Variants in LTV1 observed in about 807,000 individuals in gnomAD.
LTV1 encodes the protein protein LTV1 homolog.
In LTV1, 39 loss-of-function variants were observed where a neutral mutation model predicts 59.9. The ratio of observed to expected loss-of-function variants is 0.65; its 90% CI spans 0.50 to 0.85. The LOEUF (loss-of-function observed/expected upper bound fraction) is 0.85. Ranked by LOEUF, LTV1 falls within the 40% of genes least tolerant of loss-of-function variation. The pLI, the probability that LTV1 is intolerant of heterozygous loss-of-function variation, is 0.00. For missense variants in LTV1, 493 were observed against 549.1 expected, an observed-to-expected ratio of 0.90 and a Z score of 1.02; for synonymous variants, 171 against 189.5, an observed-to-expected ratio of 0.90 and a Z score of 0.80.
At chr6:143,852,331 T>G (rs6570583) in intron 4 of LTV1, among the ~76,000 whole-genome samples, 8,759 of 152,328 alleles carry the variant, frequency 0.058, 266 homozygotes, top group African/African-American at 0.086. Flanking sequence ...CCAGTGATGA[T>G]GAGCTTTTTT....
chr6:143,844,450 G>A, intron 1 of LTV1, 36 bp from the exon 2 acceptor site: 1 of 1,608,166 alleles, frequency 6.2e-7, no homozygotes, highest in Non-Finnish European at 8.5e-7. Flanking sequence ...TTTTTGTTCT[G>A]TTTTAATTAA....
intron 3 of LTV1, among the ~76,000 whole-genome samples, chr6:143,847,849 CT>C (rs1000175575): frequency 6.6e-6 from 1 of 152,124 alleles, no homozygotes; most frequent in African/African-American, 2.4e-5. Context: ...GTCCCATATA[CT>C]TTTTTTACTT....
At chr6:143,844,439 CT>C in intron 1 of LTV1, 46 bp from the exon 2 acceptor site, 2 of 1,600,068 alleles carry the variant, frequency 1.2e-6, no homozygotes, top group Non-Finnish European at 1.7e-6. Flanking sequence ...TATTCTCCGT[CT>C]TTTTGTTCTG....
Position 143,862,304 on chromosome 6 carries a change from G to A in LTV1, c.1063+61G>A. 6.7e-7 allele frequency: 1 copy of A among 1,483,736 alleles called. No individual in the cohort carries two copies. Among genetic ancestry groups the A allele is most frequent in the Non-Finnish European group, 9.3e-7 (1 of 1,078,724 alleles). 91.9% of individuals were successfully genotyped at this position (1,483,736 alleles called of 1,614,324 possible). On this transcript the variant is annotated intron_variant, in intron 8 of 10. Transcript: ENST00000367576. This position sits in a 1 kb window ranked among gnomAD's most constrained non-coding sequence, Gnocchi z 4.2. ...TATTAAAGTATATCAACTTTAGGCT[G>A]GGTGCGGTGCCTCACGCCTGTAGTA...
At chr6:143,845,044 G>A (rs1031516379) in intron 2 of LTV1, among the ~76,000 whole-genome samples, 2 of 152,230 alleles carry the variant, frequency 1.3e-5, no homozygotes, top group Non-Finnish European at 2.9e-5. Flanking sequence ...TTAGGGCACC[G>A]ATATATGCTC....
At chr6:143,844,416 T>G in intron 1 of LTV1, 70 bp from the exon 2 acceptor site, 1 of 1,536,028 alleles carries the variant, frequency 6.5e-7, no homozygotes, top group Non-Finnish European at 9.0e-7. Context: ...GATGCATGTG[T>G]GGACTATGGA....
Position 143,863,061 on chromosome 6 carries a change from T to C in LTV1, c.1117-25T>C, listed in dbSNP as rs1777197236. The C allele has an allele frequency of 6.3e-7, 1 of 1,584,928 alleles. No individual in the cohort carries two copies. The highest frequency in any genetic ancestry group is 8.7e-7 in the Non-Finnish European group (1 of 1,154,128). On this transcript the variant is annotated intron_variant, in intron 9 of 10. Coordinates refer to ENST00000367576, the MANE Select transcript of LTV1 (RefSeq NM_032860.5). The surrounding 1 kb of genome is among the most constrained non-coding windows in gnomAD (Gnocchi z 4.5). ...TTTTAATAGGAATGAGAAGTAACTC[T>C]AGTACCATTTTATCTGTATTTCAGC...
chr6:143,848,268 C>G (rs140805396), intron 3 of LTV1, among the ~76,000 whole-genome samples: 68 of 152,238 alleles, frequency 4.5e-4, no homozygotes, highest in Non-Finnish European at 7.8e-4. Flanking sequence ...GTAGATTTTA[C>G]TACAATTTTA....
chr6:143,861,111 G>A (rs1777157944), intron 7 of LTV1, among the ~76,000 whole-genome samples: 1 of 151,990 alleles, frequency 6.6e-6, no homozygotes, highest in African/African-American at 2.4e-5. Context: ...TGGCCAGGCT[G>A]GTCTCAAACT....
At position 143,862,258 on chromosome 6, in the gene LTV1, T is replaced by A; in HGVS notation, c.1063+15T>A. The A allele has an allele frequency of 6.2e-7, 1 of 1,606,598 alleles. No individual in the cohort carries two copies. Among genetic ancestry groups the A allele is most frequent in the Non-Finnish European group, 8.5e-7 (1 of 1,173,838 alleles). On this transcript the variant is annotated intron_variant, in intron 8 of 10. Transcript: ENST00000367576. This position sits in a 1 kb window ranked among gnomAD's most constrained non-coding sequence, Gnocchi z 4.2. ...ATCTATTTGTAGTAAGTATATTCAC[T>A]TTATGATAGTAATTTTAAAGTATTA...
chr6:143,850,818 G>A (rs918374110), intron 4 of LTV1, among the ~76,000 whole-genome samples: 1 of 152,094 alleles, frequency 6.6e-6, no homozygotes. Flanking sequence ...GCAGGGCCTT[G>A]GGTTAAAACA....
chr6:143,856,312 G>C (rs1582940315), intron 4 of LTV1, among the ~76,000 whole-genome samples: 1 of 152,126 alleles, frequency 6.6e-6, no homozygotes, highest in Admixed American at 6.5e-5. Context: ...CTCTAAACTG[G>C]TAATTCTAGT....
intron 6 of LTV1, among the ~76,000 whole-genome samples, chr6:143,859,840 G>A (rs78955093): frequency 0.017 from 2,516 of 152,276 alleles, 74 homozygotes; most frequent in African/African-American, 0.058. Context: ...GTAGTGTCTC[G>A]TGCCTATAAT....
At chr6:143,854,176 G>A (rs1292332351) in intron 4 of LTV1, among the ~76,000 whole-genome samples, 1 of 152,154 alleles carries the variant, frequency 6.6e-6, no homozygotes, top group African/African-American at 2.4e-5. Context: ...ATTTAGCCTT[G>A]GGAGGGTGTA....
intron 7 of LTV1, among the ~76,000 whole-genome samples, chr6:143,860,920 G>T (rs1468136420): frequency 6.6e-6 from 1 of 151,114 alleles, no homozygotes; most frequent in East Asian, 2.0e-4. Flanking sequence ...TTTTGAGACG[G>T]AGTCTTGCTC....
intron 4 of LTV1, among the ~76,000 whole-genome samples, chr6:143,856,620 G>A (rs767958623): frequency 1.3e-5 from 2 of 152,172 alleles, no homozygotes; most frequent in Non-Finnish European, 2.9e-5. Flanking sequence ...TGGGGTTTCT[G>A]TGTGGACGTC....
intron 2 of LTV1, among the ~76,000 whole-genome samples, chr6:143,845,093 G>A (rs939962392): frequency 3.3e-5 from 5 of 152,046 alleles, no homozygotes; most frequent in South Asian, 4.1e-4. Flanking sequence ...TTTCATAACC[G>A]CAAACTGCAT....
At chr6:143,846,764 G>A (rs1776898559) in intron 3 of LTV1, among the ~76,000 whole-genome samples, 1 of 152,180 alleles carries the variant, frequency 6.6e-6, no homozygotes, top group South Asian at 2.1e-4. Context: ...GTTAGTCTAA[G>A]TTCTGTTTTC....
rs532828264 is a variant in LTV1 at position 143,856,647 on chromosome 6, A to T, written c.398-656A>T. Among the ~76,000 whole-genome samples, 245 of 152,084 alleles carry T rather than the reference A, an allele frequency of 1.6e-3. 1 individual carries two copies. The highest frequency in any genetic ancestry group is 5.5e-3 in the African/African-American group (229 of 41,484). On this transcript the variant is annotated intron_variant, in intron 4 of 10. Transcript: ENST00000367576. ...GTGGACGTCCTATTTGTTGATGTTG[A>T]TGCTATTCCTTTCTGTTAGGTTTAT...
Sources: allele counts gnomAD v4.1 joint callset (sites outside exome capture counted in the v4.1 genomes callset), GRCh38; gene constraint gnomAD v4.1.1; non-coding constraint Gnocchi (gnomAD v3.1); transcripts MANE v1.5; gene names NCBI Gene and HGNC (gene_info 2026-07-23, HGNC 2026-07-21).